The following PPARA variants were observed in gnomAD, a reference collection of about 807,000 sequenced individuals.
PPARA encodes peroxisome proliferator-activated receptor alpha.
PPARA carries 22 observed loss-of-function variants against 42.2 expected under a neutral mutation model. The observed-to-expected ratio is 0.52, with a 90% CI of 0.37 to 0.74. The LOEUF (loss-of-function observed/expected upper bound fraction) is 0.74. Ranked by LOEUF, PPARA falls within the 30% of genes least tolerant of loss-of-function variation. The pLI is 0.00. For missense variants in PPARA, 465 were observed against 608.2 expected (o/e 0.76, Z 2.48); for synonymous variants, 242 against 239.3 (o/e 1.01, Z -0.10).
In PPARA at chr22:46,230,909, A is replaced by G. The variant is rs573746843; in HGVS notation, c.712-883A>G. Reference sequence around the variant, plus strand: ...AATGGTGTTCACCCCTAAAGTGCATATACTGGTAAAATTAAGAATGATCGT... The same window carrying G: ...AATGGTGTTCACCCCTAAAGTGCATGTACTGGTAAAATTAAGAATGATCGT... On this transcript the variant is annotated intron_variant, in intron 7 of 8. Coordinates refer to ENST00000407236, the MANE Select transcript of PPARA (RefSeq NM_005036.6). The surrounding 1 kb of genome is among the most constrained non-coding windows in gnomAD (Gnocchi z 5.0). Among the ~76,000 whole-genome samples the G allele has an allele frequency of 6.6e-6, 1 of 152,380 alleles. No individual in the cohort carries two copies. The highest frequency in any genetic ancestry group is 2.1e-4 in the South Asian group (1 of 4,834).
In PPARA at chr22:46,230,003, C is replaced by T. The variant is rs1248914678; in HGVS notation, c.712-1789C>T. On this transcript the variant is annotated intron_variant, in intron 7 of 8. Transcript: ENST00000407236. The surrounding 1 kb of genome is among the most constrained non-coding windows in gnomAD (Gnocchi z 5.0). Reference sequence around the variant, plus strand: ...AGCATTGTCAGTGGTTGTGTTTTGCCCACTGGCAGGGGGCATTCTTTAAAT... The same window carrying T: ...AGCATTGTCAGTGGTTGTGTTTTGCTCACTGGCAGGGGGCATTCTTTAAAT... Among the ~76,000 whole-genome samples, 1 of 152,186 alleles carries T rather than the reference C, an allele frequency of 6.6e-6. No homozygotes were observed. Among genetic ancestry groups the T allele is most frequent in the Non-Finnish European group, 1.5e-5 (1 of 68,040 alleles).
chr22:46,208,141 G>A (rs956330410), intron 4 of PPARA, among the ~76,000 whole-genome samples: 1 of 152,026 alleles, frequency 6.6e-6, no homozygotes, highest in African/African-American at 2.4e-5. Context: ...AATAATAATT[G>A]TATTTTTATG....
At chr22:46,153,488 G>C (rs4253622) in intron 2 of PPARA, among the ~76,000 whole-genome samples, 5,684 of 152,164 alleles carry the variant, frequency 0.037, 361 homozygotes, top group African/African-American at 0.13. Context: ...CATCTTAAAC[G>C]TAAAGTAGGA....
Position 46,243,438 on chromosome 22 carries a change from G to C in PPARA, c.*8058G>C, listed in dbSNP as rs1005135750. On this transcript the variant is annotated 3_prime_UTR_variant, in exon 9 of 9. Coordinates refer to ENST00000407236, the MANE Select transcript of PPARA (RefSeq NM_005036.6). This position sits in a 1 kb window ranked among gnomAD's most constrained non-coding sequence, Gnocchi z 5.0. ...CCAACTTCATACCTCTCTCCTGGTG[G>C]GGGGAGCGGGCATCCAGGACCTCCG... 4 of 152,076 alleles carry C rather than the reference G, an allele frequency of 2.6e-5. No homozygotes were observed. The highest frequency in any genetic ancestry group is 1.3e-4 in the Admixed American group (2 of 15,274). The allele number at this position is 152,076 out of a possible 1,614,324, so 9.4% of individuals were successfully genotyped here.
rs1027353667 is a variant in PPARA, at chr22:46,235,713, G to A, written c.*333G>A. The stretch of plus-strand genomic sequence containing the variant: ...TTCGTGATTTACCATTTAATTAACT[G>A]GTAACCTCAAAATTCGTGGCCTGTC... On this transcript the variant is annotated 3_prime_UTR_variant, in exon 9 of 9. Coordinates refer to ENST00000407236, the MANE Select transcript of PPARA (RefSeq NM_005036.6). The surrounding 1 kb of genome is among the most constrained non-coding windows in gnomAD (Gnocchi z 7.0). 68 of 346,512 alleles carry A rather than the reference G, an allele frequency of 2.0e-4. No homozygotes were observed. The highest frequency in any genetic ancestry group is 1.3e-3 in the African/African-American group (62 of 47,504). The allele number at this position is 346,512 out of a possible 1,614,324, so 21.5% of individuals were successfully genotyped here. A position where few individuals can be genotyped will look rare whatever the true frequency, so the allele number is the denominator to read the frequency against.
Position 46,191,506 on chromosome 22 carries a change from T to C in PPARA, c.-42-6836T>C, listed in dbSNP as rs1319945853. On this transcript the variant is annotated intron_variant, in intron 3 of 8. Transcript: ENST00000407236. The surrounding 1 kb of genome is among the most constrained non-coding windows in gnomAD (Gnocchi z 4.6). ...TATGGTTTTTTTTTTTTTTTTCCTT[T>C]TGCTGGCTTTGTTTTCCTGTCCCTG... Among the ~76,000 whole-genome samples the C allele has an allele frequency of 3.3e-5, 5 of 152,102 alleles. No individual in the cohort carries two copies. The highest frequency in any genetic ancestry group is 6.5e-5 in the Admixed American group (1 of 15,268).
At chr22:46,207,751 G>A (rs1183037160) in intron 4 of PPARA, among the ~76,000 whole-genome samples, 6 of 133,288 alleles carry the variant, frequency 4.5e-5, no homozygotes, top group South Asian at 4.9e-4. Flanking sequence ...TAGTGCCATC[G>A]TAGCTCACTG....
chr22:46,216,038 G>C lies in PPARA; in HGVS notation c.369+705G>C, dbSNP rs1008484713. On this transcript the variant is annotated intron_variant, in intron 5 of 8. Transcript: ENST00000407236. This position sits in a 1 kb window ranked among gnomAD's most constrained non-coding sequence, Gnocchi z 4.5. ...TGCTTTAGAGAGTCTAGGACAAATG[G>C]TTCCTCTGTGCTTTGTAAATACTTA... 2.0e-5 allele frequency among the ~76,000 whole-genome samples: 3 copies of C among 152,152 alleles called. No homozygotes were observed. The highest frequency in any genetic ancestry group is 7.2e-5 in the African/African-American group (3 of 41,430).
At chr22:46,175,701 G>A (rs1341367972) in intron 2 of PPARA, among the ~76,000 whole-genome samples, 3 of 148,828 alleles carry the variant, frequency 2.0e-5, no homozygotes, top group Non-Finnish European at 4.4e-5. Context: ...GTGACAAAGC[G>A]AGACTCCATC....
At position 46,242,760 on chromosome 22, in the gene PPARA, C is replaced by CACACACAG. The variant is rs1491187005; in HGVS notation, c.*7381_*7382insCACACAGA. On this transcript the variant is annotated 3_prime_UTR_variant, in exon 9 of 9. Coordinates refer to ENST00000407236, the MANE Select transcript of PPARA (RefSeq NM_005036.6). The surrounding 1 kb of genome is among the most constrained non-coding windows in gnomAD (Gnocchi z 6.1). Reference sequence around the variant, plus strand: ...ACACACACACACACACACACACACACAGCTCTTCATTTCTCCTGAGCCATG... The same window carrying CACACACAG: ...ACACACACACACACACACACACACACACACACAGAGCTCTTCATTTCTCCTGAGCCATG... 1 of 151,258 alleles carries CACACACAG rather than the reference C, an allele frequency of 6.6e-6. No individual in the cohort carries two copies. The highest frequency in any genetic ancestry group is 2.4e-5 in the African/African-American group (1 of 40,890). 9.4% of individuals were successfully genotyped at this position (151,258 alleles called of 1,614,324 possible).
Position 46,243,017 on chromosome 22 carries a change from G to A in PPARA, c.*7637G>A, listed in dbSNP as rs1484326885. 1 of 152,582 alleles carries A rather than the reference G, an allele frequency of 6.6e-6. No individual in the cohort carries two copies. The highest frequency in any genetic ancestry group is 2.1e-4 in the South Asian group (1 of 4,828). 9.5% of individuals were successfully genotyped at this position (152,582 alleles called of 1,614,324 possible). On this transcript the variant is annotated 3_prime_UTR_variant, in exon 9 of 9. Coordinates refer to ENST00000407236, the MANE Select transcript of PPARA (RefSeq NM_005036.6). This position sits in a 1 kb window ranked among gnomAD's most constrained non-coding sequence, Gnocchi z 5.0. ...CTATGGGTTATTACCAAAGAACGCT[G>A]GCAATTGGAAATGTCCTGATGGAAA...
Position 46,215,084 on chromosome 22 carries a change from C to T in PPARA, c.209-89C>T, listed in dbSNP as rs547143969. 6.2e-5 allele frequency: 94 copies of T among 1,516,286 alleles called. No individual in the cohort carries two copies. The African/African-American group carries it at 7.1e-4, about 12-fold the overall frequency. The allele number at this position is 1,516,286 out of a possible 1,614,324, so 93.9% of individuals were successfully genotyped here. On this transcript the variant is annotated intron_variant, in intron 4 of 8. Transcript: ENST00000407236. Reference sequence around the variant, plus strand: ...GTTTATGCCTCAGCACTAGAAGCCTCGTATGCGAAATCACATCCTCATAGA... The same window carrying T: ...GTTTATGCCTCAGCACTAGAAGCCTTGTATGCGAAATCACATCCTCATAGA...
At position 46,239,496 on chromosome 22, in the gene PPARA, C is replaced by T. The variant is rs1781465697; in HGVS notation, c.*4116C>T. ...GCCCACACACAGGGGAGCAGCATCT[C>T]GTATGACGTCTGGAAGGAACTTCGG... is the stretch of plus-strand genomic sequence containing the variant. On this transcript the variant is annotated 3_prime_UTR_variant, in exon 9 of 9. Coordinates refer to ENST00000407236, the MANE Select transcript of PPARA (RefSeq NM_005036.6). 1 of 148,010 alleles carries T rather than the reference C, an allele frequency of 6.8e-6. No homozygotes were observed. Among genetic ancestry groups the T allele is most frequent in the Admixed American group, 6.8e-5 (1 of 14,600 alleles). 9.2% of individuals were successfully genotyped at this position (148,010 alleles called of 1,614,324 possible).
chr22:46,170,596 C>T (rs1927865744), intron 2 of PPARA, among the ~76,000 whole-genome samples: 1 of 151,258 alleles, frequency 6.6e-6, no homozygotes, highest in Non-Finnish European at 1.5e-5. Context: ...AATTTAGCAC[C>T]AATGTCAGAC....
rs984853658 is a variant in PPARA, at chr22:46,240,152, C to T, written c.*4772C>T. Reference sequence around the variant, plus strand: ...AGTGTGGCCTTTCAAAATGCAGATGCCACCAGGAGAACATGCCCACAGCTC... The same window carrying T: ...AGTGTGGCCTTTCAAAATGCAGATGTCACCAGGAGAACATGCCCACAGCTC... On this transcript the variant is annotated 3_prime_UTR_variant, in exon 9 of 9. Transcript: ENST00000407236. This position sits in a 1 kb window ranked among gnomAD's most constrained non-coding sequence, Gnocchi z 6.0. The T allele has an allele frequency of 2.5e-6, 1 of 398,722 alleles. No individual in the cohort carries two copies. The highest frequency in any genetic ancestry group is 4.4e-6 in the Non-Finnish European group (1 of 226,146). The allele number at this position is 398,722 out of a possible 1,614,324, so 24.7% of individuals were successfully genotyped here.
rs1207391874 is a variant in PPARA, at chr22:46,152,331, G to T, written c.-127+361G>T. Among the ~76,000 whole-genome samples, 4 of 151,940 alleles carry T rather than the reference G, an allele frequency of 2.6e-5. No homozygotes were observed. The East Asian group carries it at 7.7e-4, about 29-fold the overall frequency. On this transcript the variant is annotated intron_variant, in intron 2 of 8. Transcript: ENST00000407236. ...TTTTTGTAGTTTTAGTAGAGGCGGG[G>T]TTTCACCATCTTGGCCAGGCTGATC...
rs1376341737 is a variant in PPARA, at chr22:46,235,557, C to T, written c.*177C>T. 2 of 828,004 alleles carry T rather than the reference C, an allele frequency of 2.4e-6. No homozygotes were observed. Among genetic ancestry groups the T allele is most frequent in the African/African-American group, 1.7e-5 (1 of 58,860 alleles). The allele number at this position is 828,004 out of a possible 1,614,324, so 51.3% of individuals were successfully genotyped here. ...CATATCTTTGTTTTAACCAGTACTT[C>T]TAAGAGCATAGAACTCAAATGCTGG... On this transcript the variant is annotated 3_prime_UTR_variant, in exon 9 of 9. Coordinates refer to ENST00000407236, the MANE Select transcript of PPARA (RefSeq NM_005036.6). This position sits in a 1 kb window ranked among gnomAD's most constrained non-coding sequence, Gnocchi z 7.0.
At chr22:46,185,939 A>G (rs1396170882) in intron 3 of PPARA, among the ~76,000 whole-genome samples, 1 of 50,802 alleles carries the variant, frequency 2.0e-5, no homozygotes, top group African/African-American at 6.0e-5. Flanking sequence ...ATATATATAT[A>G]TATATATATA....
Position 46,175,375 on chromosome 22 carries a change from T to A in PPARA, c.-126-1378T>A, listed in dbSNP as rs185762965. Among the ~76,000 whole-genome samples the A allele has an allele frequency of 5.4e-3, 828 of 152,282 alleles. 6 individuals are homozygous for A. Among genetic ancestry groups the A allele is most frequent in the Non-Finnish European group, 9.2e-3 (623 of 68,026 alleles). On this transcript the variant is annotated intron_variant, in intron 2 of 8. Transcript: ENST00000407236. ...CTCTCCTACCTTCCCATCCCTTTTT[T>A]AATTTTGCCAGTCATTAATCTGTTG...
Sources: allele counts gnomAD v4.1 joint callset (sites outside exome capture counted in the v4.1 genomes callset), GRCh38; gene constraint gnomAD v4.1.1; non-coding constraint Gnocchi (gnomAD v3.1); transcripts MANE v1.5; gene names NCBI Gene and HGNC (gene_info 2026-07-23, HGNC 2026-07-21).